The following HOOK1 variants were observed in gnomAD, a reference collection of about 807,000 sequenced individuals.
HOOK1 encodes protein Hook homolog 1.
A neutral mutation model predicts 112.8 loss-of-function variants in HOOK1; 60 were observed. That is an observed-to-expected ratio of 0.53 (90% confidence interval 0.43 to 0.66). HOOK1 has a LOEUF of 0.66. HOOK1 is among the 30% of genes least tolerant of loss of function. The pLI is 0.00. For missense variants in HOOK1, 770 were observed against 856.0 expected (o/e 0.90, Z 1.25); for synonymous variants, 294 against 283.8 (o/e 1.04, Z -0.36).
chr1:59,836,483 A>G (rs941483227), intron 6 of HOOK1, among the ~76,000 whole-genome samples: 1 of 152,160 alleles, frequency 6.6e-6, no homozygotes, highest in Non-Finnish European at 1.5e-5. Flanking sequence ...CGTAACTCCT[A>G]CTTTTAAAAT....
chr1:59,872,283 G>T (rs1644066760), intron 21 of HOOK1, among the ~76,000 whole-genome samples: 1 of 152,184 alleles, frequency 6.6e-6, no homozygotes, highest in South Asian at 2.1e-4. Context: ...TATACTGGTG[G>T]TTCTTAAACA....
chr1:59,853,746 AT>A (rs1016318303), intron 12 of HOOK1, among the ~76,000 whole-genome samples: 2 of 151,352 alleles, frequency 1.3e-5, no homozygotes, highest in African/African-American at 2.4e-5. Flanking sequence ...TTTAAAAGCT[AT>A]TTTCTGATGG....
intron 8 of HOOK1, among the ~76,000 whole-genome samples, chr1:59,840,619 C>CAG (rs1358929419): frequency 6.6e-6 from 1 of 152,022 alleles, no homozygotes; most frequent in African/African-American, 2.4e-5. Flanking sequence ...AATCACTCTA[C>CAG]TAATTTTAAA....
At chr1:59,867,747 C>T (rs1239952707) in intron 19 of HOOK1, among the ~76,000 whole-genome samples, 2 of 152,056 alleles carry the variant, frequency 1.3e-5, no homozygotes, top group African/African-American at 4.8e-5. Context: ...AAATCACCAG[C>T]ATTTATTATA....
intron 3 of HOOK1, among the ~76,000 whole-genome samples, chr1:59,830,712 C>A (rs1025345951): frequency 6.6e-6 from 1 of 152,018 alleles, no homozygotes; most frequent in Non-Finnish European, 1.5e-5. Flanking sequence ...AATCCTTGAA[C>A]ATCTTTAAAC....
At chr1:59,871,184 A>G in intron 21 of HOOK1, 74 bp downstream of exon 21, 1 of 928,494 alleles carries the variant, frequency 1.1e-6, no homozygotes, top group East Asian at 2.5e-5. Context: ...AGTACAACAT[A>G]AGAAAATATA....
chr1:59,835,122 A>G (rs941798859), intron 5 of HOOK1, among the ~76,000 whole-genome samples: 2 of 152,180 alleles, frequency 1.3e-5, no homozygotes, highest in Non-Finnish European at 2.9e-5. Flanking sequence ...AATGATTTCA[A>G]GGTACTGACT....
At chr1:59,817,879 A>G (rs960463953) in intron 1 of HOOK1, among the ~76,000 whole-genome samples, 8 of 152,192 alleles carry the variant, frequency 5.3e-5, no homozygotes, top group African/African-American at 1.9e-4. Context: ...TTGGGATCAG[A>G]GCTCTTACAT....
At chr1:59,857,572 A>G (rs748710682) in intron 12 of HOOK1, among the ~76,000 whole-genome samples, 1 of 152,148 alleles carries the variant, frequency 6.6e-6, no homozygotes, top group Non-Finnish European at 1.5e-5. Flanking sequence ...TTCCAACTTT[A>G]GGGTTCAGAG....
chr1:59,820,988 A>G (rs1023589920), intron 1 of HOOK1, among the ~76,000 whole-genome samples: 1 of 152,214 alleles, frequency 6.6e-6, no homozygotes, highest in African/African-American at 2.4e-5. Context: ...AGAACCATTA[A>G]AAGTGAATTA....
Position 59,872,834 on chromosome 1 carries a change from G to C in HOOK1, c.2056G>C (p.Val686Leu). 1 of 1,471,028 alleles carries C rather than the reference G, an allele frequency of 6.8e-7. No individual in the cohort carries two copies. The highest frequency in any genetic ancestry group is 9.1e-7 in the Non-Finnish European group (1 of 1,097,824). 91.1% of individuals were successfully genotyped at this position (1,471,028 alleles called of 1,614,324 possible). The change falls in exon 22 of 22, where the codon GTG becomes CTG. Residue 686 changes from valine to leucine, a missense_variant. Physicochemically the swap from Val to Leu is conservative, Grantham distance 32. This residue lies in a region of HOOK1 where 111 missense variants were observed against 111.8 expected (regional missense o/e 0.99). Transcript: ENST00000371208. The stretch of plus-strand genomic sequence containing the variant: ...GAAACTGGGGATGGAATCTAGACTT[G>C]TGAGCGGCGGTGGTGCCTGCAGTGA... ...FQKLGMESRL[V>L]SGGGACSDTG...
At chr1:59,839,965 T>G (rs894885695) in intron 7 of HOOK1, among the ~76,000 whole-genome samples, 44 of 152,218 alleles carry the variant, frequency 2.9e-4, no homozygotes, top group Admixed American at 2.8e-3. Context: ...TTTTTGTCAT[T>G]GGTTCTGTTT....
At chr1:59,830,504 C>A (rs894606231) in intron 3 of HOOK1, among the ~76,000 whole-genome samples, 1 of 152,010 alleles carries the variant, frequency 6.6e-6, no homozygotes, top group African/African-American at 2.4e-5. Context: ...ATTAATGTAG[C>A]CACTACAGAT....
At chr1:59,833,275 T>C in intron 4 of HOOK1, 130 bp from the exon 5 acceptor site, 1 of 737,324 alleles carries the variant, frequency 1.4e-6, no homozygotes, top group South Asian at 4.4e-5. Flanking sequence ...TTAATAATTA[T>C]TTATTTGTCA....
At chr1:59,856,087 A>ATTGT (rs1249533355) in intron 12 of HOOK1, among the ~76,000 whole-genome samples, 14 of 131,688 alleles carry the variant, frequency 1.1e-4, no homozygotes, top group Non-Finnish European at 1.9e-4. Flanking sequence ...CCCATAGTGA[A>ATTGT]TTGTTTGTTT....
At chr1:59,836,743 G>A (rs911070195) in intron 6 of HOOK1, 130 bp from the exon 7 acceptor site, 31 of 548,830 alleles carry the variant, frequency 5.6e-5, no homozygotes, top group Non-Finnish European at 8.3e-5. Flanking sequence ...TCTGAATAGC[G>A]TTCTAAGGAT....
chr1:59,862,796 G>T lies in HOOK1; in HGVS notation c.1545G>T (p.Glu515Asp). ...CATCTTACAATAGGCTGAGCAAAGAGCGTATTAGAGAATTGCAGCAGCAGA... is the reference window on the plus strand; with the variant it reads ...CATCTTACAATAGGCTGAGCAAAGATCGTATTAGAGAATTGCAGCAGCAGA... Reference protein sequence around the residue: ...ELETEQRLSKERIRELQQQIE... With the variant: ...ELETEQRLSKDRIRELQQQIE... The change falls in exon 16 of 22, where the codon GAG becomes GAT. Residue 515 changes from glutamate to aspartate, a missense_variant. By Grantham distance (45) the Glu-to-Asp change is conservative. This residue lies in a region of HOOK1 where 655 missense variants were observed against 725.9 expected (regional missense o/e 0.90). Coordinates refer to ENST00000371208, the MANE Select transcript of HOOK1 (RefSeq NM_015888.6). The T allele has an allele frequency of 6.2e-7, 1 of 1,609,292 alleles. No homozygotes were observed. Among genetic ancestry groups the T allele is most frequent in the Non-Finnish European group, 8.5e-7 (1 of 1,175,838 alleles).
At chr1:59,865,339 C>A in intron 18 of HOOK1, 94 bp downstream of exon 18, 1 of 707,070 alleles carries the variant, frequency 1.4e-6, no homozygotes, top group Non-Finnish European at 2.5e-6. Context: ...TAAGTTTTTG[C>A]ACAATGTGTA....
chr1:59,846,565 TCCTTCCTTCCTTCCTTCCTTCCTCCC>T (rs1574201209), intron 9 of HOOK1, among the ~76,000 whole-genome samples: 3 of 68,994 alleles, frequency 4.3e-5, no homozygotes, highest in African/African-American at 2.1e-4. Context: ...CTTCCTTCCT[TCCTTCCTTCCTTCCTTCCTTCCTCCC>T]TCCTCCCTCC....
Sources: gnomAD v4.1 joint callset for allele counts (sites outside exome capture counted in the v4.1 genomes callset) on GRCh38, gnomAD v4.1.1 for gene constraint, gnomAD v4.1.1 regional missense constraint, MANE v1.5 for transcripts, NCBI Gene and HGNC (gene_info 2026-07-23, HGNC 2026-07-21) for gene names.